The following AHNAK variants were observed in gnomAD, a reference collection of about 807,000 sequenced individuals.
The protein encoded by AHNAK is AHNAK nucleoprotein, also known as neuroblast differentiation-associated protein AHNAK.
Under a neutral mutation model 37.8 loss-of-function variants are expected in AHNAK, and 23 were observed. The ratio of observed to expected loss-of-function variants is 0.61; its 90% CI spans 0.44 to 0.86. The LOEUF is 0.86. Among genes scored for constraint, AHNAK ranks in the 40% least tolerant of loss-of-function variants. AHNAK has a pLI of 0.00. For missense variants in AHNAK, 7,411 were observed against 7,319.4 expected (o/e 1.01, Z -0.46); for synonymous variants, 2,481 against 2,636.3 (o/e 0.94, Z 1.80).
intron 1 of AHNAK, among the ~76,000 whole-genome samples, chr11:62,545,200 G>A (rs1202947740): frequency 6.6e-6 from 1 of 151,998 alleles, no homozygotes; most frequent in African/African-American, 2.4e-5. Flanking sequence ...CACTGCCACG[G>A]TCGCCGCGGC....
chr11:62,526,428 G>C lies in AHNAK; in HGVS notation c.7989C>G (p.Pro2663=). The change falls in exon 5 of 5, where the codon CCC becomes CCG. Residue 2663 remains proline, a synonymous_variant. Coordinates refer to ENST00000378024, the MANE Select transcript of AHNAK (RefSeq NM_001620.3). ...GEGPDGDVKL[P]KADIDVSGPK... ...GTCCTGAGACATCAATGTCAGCCTTGGGCAGCTTCACATCCCCATCTGGGC... is the reference window on the plus strand; with the variant it reads ...GTCCTGAGACATCAATGTCAGCCTTCGGCAGCTTCACATCCCCATCTGGGC... The C allele has an allele frequency of 6.2e-7, 1 of 1,609,882 alleles. No individual in the cohort carries two copies. The highest frequency in any genetic ancestry group is 8.5e-7 in the Non-Finnish European group (1 of 1,179,074).
rs1010794238 is a variant in AHNAK, at chr11:62,524,851, T to C, written c.9566A>G (p.Asp3189Gly). 2 of 1,614,032 alleles carry C rather than the reference T, an allele frequency of 1.2e-6. No individual in the cohort carries two copies. Among genetic ancestry groups the C allele is most frequent in the African/African-American group, 2.7e-5 (2 of 74,904 alleles). ...LDVSGPKVDV[D>G]VPDVNIEGPD... is the part of the protein sequence containing the mutation. The stretch of plus-strand genomic sequence containing the variant: ...ACCTTCAATATTCACATCTGGAACA[T>C]CAACGTCCACCTTGGGTCCTGAGAC... Residue 3189 changes from aspartate (D) to glycine (G), a missense_variant, in exon 5 of 5, where the codon GAT becomes GGT. By Grantham distance (94) the Asp-to-Gly change is moderately conservative. Coordinates refer to ENST00000378024, the MANE Select transcript of AHNAK (RefSeq NM_001620.3).
At chr11:62,470,867 C>T (rs1347849464) in intron 5 of AHNAK, among the ~76,000 whole-genome samples, 1 of 151,940 alleles carries the variant, frequency 6.6e-6, no homozygotes, top group African/African-American at 2.4e-5. Context: ...CCAGTGCTTA[C>T]CCAGCTGCTG....
chr11:62,490,650 T>C (rs1179340160), intron 5 of AHNAK, among the ~76,000 whole-genome samples: 2 of 152,084 alleles, frequency 1.3e-5, no homozygotes, highest in Non-Finnish European at 2.9e-5. Context: ...CAGGAGCGGA[T>C]AGAAGGAAGC....
At chr11:62,501,617 T>C (rs1450019075) in intron 4 of AHNAK, among the ~76,000 whole-genome samples, 1 of 152,198 alleles carries the variant, frequency 6.6e-6, no homozygotes, top group East Asian at 1.9e-4. Flanking sequence ...ATAAATGCAC[T>C]TGCCAAACCC....
At chr11:62,543,558 G>A (rs1941201542) in intron 1 of AHNAK, among the ~76,000 whole-genome samples, 1 of 152,164 alleles carries the variant, frequency 6.6e-6, no homozygotes. Context: ...CCACAGCCCT[G>A]GTGGGAACTG....
In AHNAK at chr11:62,519,810, C is replaced by T; in HGVS notation, c.14607G>A (p.Val4869=). The change falls in exon 5 of 5, where the codon GTG becomes GTA. Residue 4869 remains valine, a synonymous_variant. Transcript: ENST00000378024. ...KGPKVKGDFD[V]SVPKVEGTLK... The stretch of plus-strand genomic sequence containing the variant: ...AAGTCCCTTCAACCTTAGGGACAGA[C>T]ACATCAAAATCTCCTTTTACTTTGG... 1 of 1,614,098 alleles carries T rather than the reference C, an allele frequency of 6.2e-7. No homozygotes were observed. Among genetic ancestry groups the T allele is most frequent in the Non-Finnish European group, 8.5e-7 (1 of 1,179,978 alleles).
Position 62,527,444 on chromosome 11 carries a change from T to G in AHNAK, c.6973A>C (p.Lys2325Gln), listed in dbSNP as rs1336858253. 2 of 1,614,188 alleles carry G rather than the reference T, an allele frequency of 1.2e-6. No homozygotes were observed. The highest frequency in any genetic ancestry group is 2.2e-5 in the South Asian group (2 of 91,084). ...PDVDFNLKGP[K>Q]IKGDVDVSAP... ...GAAACATCAACATCTCCTTTGATTT[T>G]GGGTCCCTTTAAATTGAAATCAACA... The change falls in exon 5 of 5, where the codon AAA (lysine) becomes CAA (glutamine). Residue 2325 changes from lysine to glutamine, a missense_variant. Lys to Gln is a moderately conservative substitution (Grantham distance 53). Coordinates refer to ENST00000378024, the MANE Select transcript of AHNAK (RefSeq NM_001620.3).
intron 3 of AHNAK, 30 bp downstream of exon 3, chr11:62,535,915 G>C: frequency 6.3e-7 from 1 of 1,588,782 alleles, no homozygotes; most frequent in Non-Finnish European, 8.6e-7. Flanking sequence ...CCAACCACCA[G>C]CACCCAGTCC....
At chr11:62,491,949 C>T in intron 4 of AHNAK, 1 of 838,686 alleles carries the variant, frequency 1.2e-6, no homozygotes, top group Non-Finnish European at 1.9e-6. Flanking sequence ...ACCACTACCA[C>T]CCCCCAACAC....
intron 4 of AHNAK, among the ~76,000 whole-genome samples, chr11:62,492,218 G>A (rs1358931965): frequency 2.2e-4 from 34 of 152,200 alleles, no homozygotes; most frequent in Admixed American, 2.2e-3. Flanking sequence ...TAAGAAAGGA[G>A]GGTTTTATTG....
At chr11:62,500,150 A>G (rs1939686349) in intron 4 of AHNAK, among the ~76,000 whole-genome samples, 1 of 152,252 alleles carries the variant, frequency 6.6e-6, no homozygotes, top group Non-Finnish European at 1.5e-5. Context: ...AACATAGTCT[A>G]GTTGTATCCA....
intron 5 of AHNAK, among the ~76,000 whole-genome samples, chr11:62,435,776 G>A (rs536966121): frequency 9.9e-5 from 15 of 152,144 alleles, no homozygotes; most frequent in Middle Eastern, 3.4e-3. Context: ...TTGAACTCCT[G>A]GACTCAAGCA....
At position 62,448,223 on chromosome 11, in the gene AHNAK, C is replaced by T. The variant is rs149132074; in HGVS notation, c.443-14332G>A. Among the ~76,000 whole-genome samples, 21 of 152,240 alleles carry T rather than the reference C, an allele frequency of 1.4e-4. 1 individual carries two copies. The highest frequency in any genetic ancestry group is 5.1e-4 in the African/African-American group (21 of 41,558). On this transcript the variant is annotated intron_variant, in intron 5 of 5. Transcript: ENST00000257247. ...GGTGAAGCTGGGATCTGGCGTAGAACCTTGTAAGCCACAGGAAGATGGTGG... is the reference window on the plus strand; with the variant it reads ...GGTGAAGCTGGGATCTGGCGTAGAATCTTGTAAGCCACAGGAAGATGGTGG...
intron 5 of AHNAK, among the ~76,000 whole-genome samples, chr11:62,436,529 T>C (rs1430081080): frequency 4.0e-5 from 6 of 151,876 alleles, no homozygotes; most frequent in Non-Finnish European, 7.4e-5. Flanking sequence ...TTTGGATAGA[T>C]TAAGGCAAAT....
At position 62,523,091 on chromosome 11, in the gene AHNAK, C is replaced by A; in HGVS notation, c.11326G>T (p.Gly3776Cys). Reference protein sequence around the residue: ...SLPKMEGDLKGPEVDIKGPKV... With the variant: ...SLPKMEGDLKCPEVDIKGPKV... ...GGGCCCTTGATGTCAACTTCAGGACCCTTGAGGTCACCTTCCATTTTGGGC... is the reference window on the plus strand; with the variant it reads ...GGGCCCTTGATGTCAACTTCAGGACACTTGAGGTCACCTTCCATTTTGGGC... The change falls in exon 5 of 5, where the codon GGT becomes TGT. Residue 3776 changes from glycine to cysteine, a missense_variant. Coordinates refer to ENST00000378024, the MANE Select transcript of AHNAK (RefSeq NM_001620.3). 1 of 1,614,024 alleles carries A rather than the reference C, an allele frequency of 6.2e-7. No homozygotes were observed.
intron 1 of AHNAK, among the ~76,000 whole-genome samples, chr11:62,539,267 C>T (rs886859304): frequency 6.6e-5 from 10 of 151,626 alleles, no homozygotes; most frequent in Non-Finnish European, 1.0e-4. Flanking sequence ...AAACAGATTC[C>T]AGACTTCATC....
chr11:62,447,659 C>T (rs534356715), intron 5 of AHNAK, among the ~76,000 whole-genome samples: 8 of 142,940 alleles, frequency 5.6e-5, no homozygotes, highest in South Asian at 2.2e-4. Context: ...CCTCCTCCCT[C>T]GGTTACTGCC....
In AHNAK at chr11:62,543,704, C is replaced by T. The variant is rs548294013; in HGVS notation, c.-100+2956G>A. Among the ~76,000 whole-genome samples, 17 of 152,324 alleles carry T rather than the reference C, an allele frequency of 1.1e-4. No homozygotes were observed. In the South Asian group the frequency reaches 2.3e-3, roughly 20 times the overall value. On this transcript the variant is annotated intron_variant, in intron 1 of 4. Transcript: ENST00000378024. Reference sequence around the variant, plus strand: ...GCTCAGGAAGCCTTGGGAGTCCCACCGGATGGCCTGAGCCCAGGGAAATGC... The same window carrying T: ...GCTCAGGAAGCCTTGGGAGTCCCACTGGATGGCCTGAGCCCAGGGAAATGC...
Sources: gnomAD v4.1 joint callset for allele counts (sites outside exome capture counted in the v4.1 genomes callset) on GRCh38, gnomAD v4.1.1 for gene constraint, MANE v1.5 for transcripts, NCBI Gene and HGNC (gene_info 2026-07-23, HGNC 2026-07-21) for gene names.